The following BPTF variants were observed in gnomAD, a reference collection of about 807,000 sequenced individuals.
The protein encoded by BPTF is nucleosome-remodeling factor subunit BPTF.
A neutral mutation model predicts 292.5 loss-of-function variants in BPTF; 18 were observed. That is an observed-to-expected ratio of 0.06 (90% CI 0.04 to 0.09). The LOEUF is 0.09. BPTF is among the 10% of genes least tolerant of loss of function. BPTF has a pLI of 1.00. For synonymous variants in BPTF, 1,225 were observed against 1,251.9 expected, an observed-to-expected ratio of 0.98 and a Z score of 0.45; for missense variants, 2,726 against 3,498.7, an observed-to-expected ratio of 0.78 and a Z score of 5.57.
intron 26 of BPTF, among the ~76,000 whole-genome samples, chr17:67,968,427 AAAT>A (rs2068368707): frequency 6.6e-6 from 1 of 151,618 alleles, no homozygotes; most frequent in East Asian, 1.9e-4. Context: ...ATGTTTACTA[AAAT>A]AATAAGTTAA....
Position 67,854,821 on chromosome 17 carries a change from T to C in BPTF, c.1436+59T>C. 8.1e-7 allele frequency: 1 copy of C among 1,232,168 alleles called. No homozygotes were observed. The highest frequency in any genetic ancestry group is 1.2e-6 in the Non-Finnish European group (1 of 863,634). The allele number at this position is 1,232,168 out of a possible 1,614,324, so 76.3% of individuals were successfully genotyped here. A position where few individuals can be genotyped will look rare whatever the true frequency, so the allele number is the denominator to read the frequency against. ...TTTAAAATTAGACTAGTTTCCTTCGTGATTGATGTAGCAGAGCTATGCTGT... is the reference window on the plus strand; with the variant it reads ...TTTAAAATTAGACTAGTTTCCTTCGCGATTGATGTAGCAGAGCTATGCTGT... On this transcript the variant is annotated intron_variant, in intron 2 of 27. Transcript: ENST00000306378. The surrounding 1 kb of genome is among the most constrained non-coding windows in gnomAD (Gnocchi z 5.6).
chr17:67,976,700 AAAAAAAAAAAAAAAAT>A (rs1263895765), intron 27 of BPTF, among the ~76,000 whole-genome samples: 3 of 46,928 alleles, frequency 6.4e-5, no homozygotes, highest in Admixed American at 2.7e-4. Context: ...AAAAAAAAAA[AAAAAAAAAAAAAAAAT>A]AAGAATAAAA....
In BPTF at chr17:67,959,828, G is replaced by A. The variant is rs150628549; in HGVS notation, c.8214G>A (p.Lys2738=). The change falls in exon 24 of 28, where the codon AAG becomes AAA. Residue 2738 remains lysine (K), a synonymous_variant. Transcript: ENST00000306378. ...CTACTACCTCAAAGGAAACTAAGAAGGACACAAAGCTTTACTGTATCTGTA... is the reference window on the plus strand; with the variant it reads ...CTACTACCTCAAAGGAAACTAAGAAAGACACAAAGCTTTACTGTATCTGTA... ...MISTTSKETK[K]DTKLYCICKT... 135 of 1,613,326 alleles carry A rather than the reference G, an allele frequency of 8.4e-5. No homozygotes were observed. In the Middle Eastern group the frequency reaches 1.3e-3, roughly 16 times the overall value.
chr17:67,966,392 T>C (rs2068100197), intron 25 of BPTF, 180 bp from the exon 26 acceptor site: 1 of 540,782 alleles, frequency 1.8e-6, no homozygotes, highest in African/African-American at 2.0e-5. Context: ...TGAGTACCAT[T>C]ATTGTAGAGG....
At chr17:67,901,446 T>C (rs1039187079) in intron 7 of BPTF, among the ~76,000 whole-genome samples, 2 of 152,188 alleles carry the variant, frequency 1.3e-5, no homozygotes, top group East Asian at 3.8e-4. Context: ...TGGATACATA[T>C]ATTTAAAATT....
At chr17:67,910,165 T>A (rs2062555946) in intron 10 of BPTF, among the ~76,000 whole-genome samples, 1 of 152,216 alleles carries the variant, frequency 6.6e-6, no homozygotes, top group African/African-American at 2.4e-5. Context: ...TAGCATGGTT[T>A]TAAGGTTCAT....
In BPTF at chr17:67,881,857, T is replaced by G; in HGVS notation, c.1864+6837T>G. 2.0e-4 allele frequency among the ~76,000 whole-genome samples: 2 copies of G among 9,888 alleles called. 1 individual carries two copies. The allele number at this position is 9,888 out of a possible 152,430, so 6.5% of individuals were successfully genotyped here. ...TGGAGTTTTGGGGATTTTGGGTTTT[T>G]GTTTTTTTTTTTTTTTTTTTTTTTT... On this transcript the variant is annotated intron_variant, in intron 4 of 27. Transcript: ENST00000306378.
Position 67,911,789 on chromosome 17 carries a change from G to A in BPTF, c.3905G>A (p.Ser1302Asn), listed in dbSNP as rs144807262. Residue 1302 changes from serine to asparagine, a missense_variant, in exon 11 of 28, where the codon AGT (serine) becomes AAT (asparagine). Physicochemically the swap from Ser to Asn is conservative, Grantham distance 46. This residue lies in a region of BPTF where 713 missense variants were observed against 714.9 expected (regional missense o/e 1.00). Transcript: ENST00000306378. ...GATACCGTGTCTATTCAGGATAGCA[G>A]TGAAGAAGATATGATTGTTCAGAAT... ...SSDTVSIQDS[S>N]EEDMIVQNSN... 178 of 1,614,098 alleles carry A rather than the reference G, an allele frequency of 1.1e-4. No homozygotes were observed. The highest frequency in any genetic ancestry group is 6.6e-4 in the Middle Eastern group (4 of 6,084).
intron 15 of BPTF, among the ~76,000 whole-genome samples, chr17:67,927,838 G>A (rs1486506853): frequency 6.6e-6 from 1 of 152,036 alleles, no homozygotes; most frequent in Non-Finnish European, 1.5e-5. Flanking sequence ...AGGTACCTTG[G>A]AGGAATTAAA....
At chr17:67,850,511 G>GGT (rs2058328187) in intron 1 of BPTF, among the ~76,000 whole-genome samples, 1 of 152,130 alleles carries the variant, frequency 6.6e-6, no homozygotes, top group Admixed American at 6.5e-5. Flanking sequence ...TGGGAGTACA[G>GGT]GTGTGTGCCA....
At chr17:67,908,681 G>T (rs1209630659) in intron 9 of BPTF, among the ~76,000 whole-genome samples, 4 of 150,306 alleles carry the variant, frequency 2.7e-5, no homozygotes, top group African/African-American at 9.8e-5. Context: ...ATAGAGGCGG[G>T]GTTTCACCAT....
Position 67,826,314 on chromosome 17 carries a change from A to C in BPTF, c.590A>C (p.His197Pro). 1.2e-6 allele frequency: 2 copies of C among 1,612,136 alleles called. No homozygotes were observed. Among genetic ancestry groups the C allele is most frequent in the Non-Finnish European group, 1.7e-6 (2 of 1,179,624 alleles). ...SYCTESSFRSHSTYSSTPGRR... is the reference protein window; with the variant it reads ...SYCTESSFRSPSTYSSTPGRR... ...TGCACGGAAAGCAGCTTCAGGAGCCATAGTACCTACAGCAGCACTCCAGGT... is the reference window on the plus strand; with the variant it reads ...TGCACGGAAAGCAGCTTCAGGAGCCCTAGTACCTACAGCAGCACTCCAGGT... Residue 197 changes from histidine to proline, a missense_variant, in exon 1 of 28, where the codon CAT (histidine) becomes CCT (proline). Around this residue, in one of 22 missense-constraint regions of BPTF, gnomAD observed 153 missense variants for 178.3 expected, o/e 0.86. Transcript: ENST00000306378.
At chr17:67,896,453 T>C (rs1199307462) in intron 7 of BPTF, among the ~76,000 whole-genome samples, 1 of 83,828 alleles carries the variant, frequency 1.2e-5, no homozygotes, top group Admixed American at 1.7e-4. Context: ...CTACGGGTAA[T>C]GAGTAACTAG....
At position 67,904,778 on chromosome 17, in the gene BPTF, A is replaced by G. The variant is rs1303881866; in HGVS notation, c.2750A>G (p.Tyr917Cys). 1 of 1,612,942 alleles carries G rather than the reference A, an allele frequency of 6.2e-7. No individual in the cohort carries two copies. Among genetic ancestry groups the G allele is most frequent in the Non-Finnish European group, 8.5e-7 (1 of 1,179,138 alleles). The change falls in exon 9 of 28, where the codon TAT becomes TGT. Residue 917 changes from tyrosine (Y) to cysteine (C), a missense_variant. Transcript: ENST00000306378. ...GWSWISKTHVYRFVPKLPGNT... is the reference protein window; with the variant it reads ...GWSWISKTHVCRFVPKLPGNT... The stretch of plus-strand genomic sequence containing the variant: ...AGCTGGATTAGTAAAACTCATGTTT[A>G]TAGGTTTGTTCCTAAATTGCCAGGC...
chr17:67,909,448 C>CTT (rs78628269), intron 9 of BPTF, 134 bp from the exon 10 acceptor site: 119 of 516,658 alleles, frequency 2.3e-4, no homozygotes, highest in Non-Finnish European at 2.9e-4. Flanking sequence ...AGACCTTTGT[C>CTT]TTTTTTTTTT....
At chr17:67,904,620 T>G (rs2062057526) in intron 8 of BPTF, 82 bp from the exon 9 acceptor site, 1 of 1,085,322 alleles carries the variant, frequency 9.2e-7, no homozygotes. Flanking sequence ...GAAACTTGTT[T>G]GGTAAAAATG....
chr17:67,927,004 T>C (rs1206139369), intron 15 of BPTF, among the ~76,000 whole-genome samples: 1 of 152,044 alleles, frequency 6.6e-6, no homozygotes, highest in East Asian at 1.9e-4. Context: ...GAATGAGAAA[T>C]TGTGTAAAGT....
intron 1 of BPTF, among the ~76,000 whole-genome samples, chr17:67,841,019 TAA>T (rs1259837054): frequency 1.3e-5 from 2 of 152,212 alleles, no homozygotes; most frequent in African/African-American, 2.4e-5. Context: ...TAAATTTTGA[TAA>T]AGTCTAATTT....
chr17:67,940,718 T>G, intron 19 of BPTF, 62 bp downstream of exon 19: 1 of 1,511,362 alleles, frequency 6.6e-7, no homozygotes, highest in South Asian at 1.2e-5. Context: ...GCGGTAAGTT[T>G]AAAAACATGA....
Sources: allele counts gnomAD v4.1 joint callset (sites outside exome capture counted in the v4.1 genomes callset), GRCh38; gene constraint gnomAD v4.1.1; regional missense constraint gnomAD v4.1.1; non-coding constraint Gnocchi (gnomAD v3.1); transcripts MANE v1.5; gene names NCBI Gene and HGNC (gene_info 2026-07-23, HGNC 2026-07-21).